The following ZNF782 variants were observed in gnomAD, a reference collection of about 807,000 sequenced individuals.
ZNF782 encodes zinc finger protein 782.
In ZNF782, 12 loss-of-function variants were observed where a neutral mutation model predicts 13.0. The ratio of observed to expected loss-of-function variants is 0.92; its 90% CI spans 0.59 to 1.50. The LOEUF is 1.50. ZNF782 is among the 40% of genes most tolerant of loss of function. The probability of loss-of-function intolerance (pLI) is 0.00; values close to 1 mark genes in which losing one functional copy is unlikely to be tolerated. For synonymous variants in ZNF782, 284 were observed against 283.0 expected, an observed-to-expected ratio of 1.00 and a Z score of -0.04; for missense variants, 770 against 822.9, an observed-to-expected ratio of 0.94 and a Z score of 0.79.
downstream of ZNF782, among the ~76,000 whole-genome samples, chr9:96,816,177 G>A (rs561690103): frequency 2.0e-5 from 3 of 152,208 alleles, no homozygotes; most frequent in South Asian, 4.1e-4. Flanking sequence ...GTTGACACTG[G>A]CTTCTTTGAA....
In ZNF782 at chr9:96,865,462, C is replaced by G. The variant is rs557887047; in HGVS notation, c.-456-3859G>C. Among the ~76,000 whole-genome samples the G allele has an allele frequency of 3.3e-5, 5 of 152,326 alleles. No homozygotes were observed. The East Asian group carries it at 9.7e-4, about 29-fold the overall frequency. On this transcript the variant is annotated intron_variant, in intron 1 of 5. Coordinates refer to the ZNF782 transcript ENST00000498811. ...TAAGACATGACTTGCTCCTCCTTGC[C>G]TTTTGCAGTGATTGTGAGGTCTCCC...
chr9:96,830,427 A>T lies in ZNF782; in HGVS notation c.143-3246T>A, dbSNP rs559573408. On this transcript the variant is annotated intron_variant, in intron 4 of 5. Coordinates refer to ENST00000481138, the MANE Select transcript of ZNF782 (RefSeq NM_001001662.3). ...GGGGAGCAGTAATGAGGCACTCCAGATCCTACCATGCAGGGTGTTATCAGT... is the reference window on the plus strand; with the variant it reads ...GGGGAGCAGTAATGAGGCACTCCAGTTCCTACCATGCAGGGTGTTATCAGT... Among the ~76,000 whole-genome samples the T allele has an allele frequency of 3.9e-5, 6 of 152,260 alleles. No individual in the cohort carries two copies. In the South Asian group the frequency reaches 1.2e-3, roughly 32 times the overall value.
intron 1 of ZNF782, among the ~76,000 whole-genome samples, chr9:96,863,967 TA>T (rs1478840744): frequency 6.6e-6 from 1 of 151,928 alleles, no homozygotes; most frequent in Non-Finnish European, 1.5e-5. Flanking sequence ...CTAAACAACT[TA>T]TCCATGTAAG....
chr9:96,930,726 A>G, the ZNF782 span, among the ~76,000 whole-genome samples: 1 of 149,150 alleles, frequency 6.7e-6, no homozygotes, highest in African/African-American at 2.5e-5. Context: ...ACCACTGAGC[A>G]CTGAGGAATG....
At chr9:96,930,871 GGTTTTTTTTTTTTTTTTTTT>G in the ZNF782 span, among the ~76,000 whole-genome samples, 1 of 104,404 alleles carries the variant, frequency 9.6e-6, no homozygotes, top group African/African-American at 3.7e-5. Context: ...TCCATCCAGT[GGTTTTTTTTTTTTTTTTTTT>G]TTTTTTTTTT....
chr9:96,924,024 T>C, the ZNF782 span, among the ~76,000 whole-genome samples: 1 of 152,092 alleles, frequency 6.6e-6, no homozygotes, highest in Non-Finnish European at 1.5e-5. Flanking sequence ...TTAGTACAGA[T>C]GGCGTTTCGC....
chr9:96,926,729 T>C, the ZNF782 span, among the ~76,000 whole-genome samples: 1 of 152,222 alleles, frequency 6.6e-6, no homozygotes, highest in African/African-American at 2.4e-5. Context: ...GGCTTGAGAC[T>C]TGCAATCCAC....
intron 4 of ZNF782, among the ~76,000 whole-genome samples, chr9:96,841,009 G>T (rs1851172547): frequency 6.6e-6 from 1 of 151,932 alleles, no homozygotes; most frequent in African/African-American, 2.4e-5. Context: ...TGTAGGAAGA[G>T]TGAACAAAAA....
In ZNF782 at chr9:96,818,282, G is replaced by GA. The variant is rs1231986182; in HGVS notation, c.1740dup (p.His581SerfsTer13). The GA allele has an allele frequency of 1.2e-6, 2 of 1,613,968 alleles. No individual in the cohort carries two copies. The highest frequency in any genetic ancestry group is 2.7e-5 in the African/African-American group (2 of 74,876). ...GGTTTCTCCCCAGTATGAGTTCTGT[G>GA]ATGTACTCTGAGGTTTGATTTCTGA... On this transcript the variant is annotated frameshift_variant, in exon 6 of 6. Transcript: ENST00000481138. LOFTEE classifies it low-confidence loss of function (END_TRUNC).
At position 96,867,664 on chromosome 9, in the gene ZNF782, T is replaced by G. The variant is rs147405178; in HGVS notation, c.-456-6061A>C. ...TAATAGTGACGACTAGTAAATGGCATCCACCGTTTCTCTCATCTGATCACT... is the reference window on the plus strand; with the variant it reads ...TAATAGTGACGACTAGTAAATGGCAGCCACCGTTTCTCTCATCTGATCACT... On this transcript the variant is annotated intron_variant, in intron 1 of 5. Transcript: ENST00000498811. 9.8e-5 allele frequency among the ~76,000 whole-genome samples: 15 copies of G among 152,318 alleles called. 1 individual carries two copies. The highest frequency in any genetic ancestry group is 3.6e-4 in the African/African-American group (15 of 41,568).
chr9:96,876,753 C>T (rs1385727602), upstream of ZNF782, among the ~76,000 whole-genome samples: 4 of 151,880 alleles, frequency 2.6e-5, no homozygotes, highest in Non-Finnish European at 5.9e-5. Context: ...CGCCTGTAAT[C>T]CCAACACTTT....
intron 1 of ZNF782, among the ~76,000 whole-genome samples, chr9:96,871,911 C>T (rs1851833701): frequency 6.6e-6 from 1 of 152,162 alleles, no homozygotes; most frequent in African/African-American, 2.4e-5. Context: ...CTGCATTGAT[C>T]ACCCAAAATT....
intron 4 of ZNF782, among the ~76,000 whole-genome samples, chr9:96,832,024 GT>G (rs199678812): frequency 1.5e-4 from 23 of 151,024 alleles, no homozygotes; most frequent in East Asian, 3.9e-4. Flanking sequence ...CATTTTATTT[GT>G]TTTTTTTGTT....
At chr9:96,870,388 A>G (rs913084515) in intron 1 of ZNF782, among the ~76,000 whole-genome samples, 1 of 152,202 alleles carries the variant, frequency 6.6e-6, no homozygotes, top group Non-Finnish European at 1.5e-5. Context: ...GAGGGGTTAT[A>G]TAACATCTGA....
the ZNF782 span, among the ~76,000 whole-genome samples, chr9:96,885,928 G>C: frequency 6.6e-6 from 1 of 151,938 alleles, no homozygotes; most frequent in Non-Finnish European, 1.5e-5. Flanking sequence ...GCTTACTTCA[G>C]CCTCAACCTC....
chr9:96,899,826 G>T, the ZNF782 span, among the ~76,000 whole-genome samples: 1 of 151,964 alleles, frequency 6.6e-6, no homozygotes, highest in African/African-American at 2.4e-5. Context: ...TTGAGACAGG[G>T]TCTTCCTCTG....
intron 5 of ZNF782, 98 bp from the exon 6 acceptor site, chr9:96,819,876 C>G: frequency 1.0e-6 from 1 of 973,742 alleles, no homozygotes; most frequent in Non-Finnish European, 1.4e-6. Context: ...GTATTTGATT[C>G]CTTAGTTTCT....
chr9:96,880,338 C>A (rs527374738), upstream of ZNF782, among the ~76,000 whole-genome samples: 1 of 152,140 alleles, frequency 6.6e-6, no homozygotes, highest in African/African-American at 2.4e-5. Flanking sequence ...GTGGGGAGAT[C>A]AGACACACTT....
chr9:96,849,814 G>GA (rs1485748460), intron 3 of ZNF782, among the ~76,000 whole-genome samples: 3 of 150,432 alleles, frequency 2.0e-5, no homozygotes, highest in African/African-American at 4.9e-5. Context: ...AAACCAGCAA[G>GA]AAAAAAAATC....
Sources: allele counts gnomAD v4.1 joint callset (sites outside exome capture counted in the v4.1 genomes callset), GRCh38; gene constraint gnomAD v4.1.1; transcripts MANE v1.5; gene names NCBI Gene and HGNC (gene_info 2026-07-23, HGNC 2026-07-21).